The following SCUBE2 variants were observed in gnomAD, a reference collection of about 807,000 sequenced individuals.
SCUBE2 encodes the protein signal peptide, CUB and EGF-like domain-containing protein 2.
Under a neutral mutation model 125.9 loss-of-function variants are expected in SCUBE2, and 114 were observed. That is an observed-to-expected ratio of 0.91 (90% CI 0.78 to 1.06). The LOEUF (loss-of-function observed/expected upper bound fraction) is 1.06, where lower values mean the gene tolerates loss of function less well. Among genes scored for constraint, SCUBE2 ranks in the 50% least tolerant of loss-of-function variants. The pLI is 0.00. For synonymous variants in SCUBE2, 459 were observed against 492.9 expected, an observed-to-expected ratio of 0.93 and a Z score of 0.91; for missense variants, 1,255 against 1,301.8, an observed-to-expected ratio of 0.96 and a Z score of 0.55.
At chr11:9,046,539 G>T (rs1473420212) in intron 16 of SCUBE2, among the ~76,000 whole-genome samples, 3 of 152,154 alleles carry the variant, frequency 2.0e-5, no homozygotes, top group Non-Finnish European at 2.9e-5. Context: ...GCAGACGGGG[G>T]AGGGGTGCAG....
At chr11:9,053,883 C>A in intron 10 of SCUBE2, 124 bp from the exon 11 acceptor site, 1 of 1,215,038 alleles carries the variant, frequency 8.2e-7, no homozygotes, top group Non-Finnish European at 1.2e-6. Context: ...AAGGAAGACA[C>A]TGAATGCCTT....
At chr11:9,065,678 A>G (rs1860146291) in intron 7 of SCUBE2, among the ~76,000 whole-genome samples, 1 of 152,206 alleles carries the variant, frequency 6.6e-6, no homozygotes, top group Non-Finnish European at 1.5e-5. Flanking sequence ...TAACCTGATT[A>G]TTCTGATGGA....
intron 4 of SCUBE2, among the ~76,000 whole-genome samples, chr11:9,074,028 C>A (rs559709650): frequency 9.2e-5 from 14 of 152,266 alleles, no homozygotes; most frequent in African/African-American, 2.4e-4. Flanking sequence ...AGGGCCGGAT[C>A]TAGCTTGGGG....
In SCUBE2 at chr11:9,074,529, C is replaced by A. The variant is rs749338492; in HGVS notation, c.469G>T (p.Gly157Trp). 6.2e-7 allele frequency: 1 copy of A among 1,614,186 alleles called. No individual in the cohort carries two copies. The highest frequency in any genetic ancestry group is 8.5e-7 in the Non-Finnish European group (1 of 1,180,024). ...TGCTGATTGTCACTCAGGAAAAACC[C>A]CTCCTTGCAGCAGCACTCATAGCTC... ...MGSYECCCKE[G>W]FFLSDNQHTC... The change falls in exon 4 of 23, where the codon GGG becomes TGG. Residue 157 changes from glycine (G) to tryptophan (W), a missense_variant. By Grantham distance (184) the Gly-to-Trp change is radical. This residue lies in a region of SCUBE2 where 362 missense variants were observed against 323.0 expected (regional missense o/e 1.12). Transcript: ENST00000649792.
chr11:9,059,236 G>T (rs1282874666), intron 9 of SCUBE2, 67 bp downstream of exon 9: 3 of 1,560,308 alleles, frequency 1.9e-6, no homozygotes, highest in Non-Finnish European at 2.6e-6. Context: ...CTGCCAGGAG[G>T]GTGCTACGTT....
rs879176794 is a variant in SCUBE2 at position 9,069,586 on chromosome 11, G to T, written c.518-91C>A. The stretch of plus-strand genomic sequence containing the variant: ...GCAAAGGGCTAAGGGGTGGCCCACA[G>T]ATCTGTCTGCTTAGGTCTCCATCAG... On this transcript the variant is annotated intron_variant, in intron 4 of 22. Coordinates refer to ENST00000649792, the MANE Select transcript of SCUBE2 (RefSeq NM_001367977.2). The T allele has an allele frequency of 2.0e-5, 31 of 1,538,442 alleles. No homozygotes were observed. In the South Asian group the frequency reaches 2.9e-4, roughly 15 times the overall value.
rs191840703 is a variant in SCUBE2, at chr11:9,023,663, A to T, written c.2855-1708T>A. Among the ~76,000 whole-genome samples the T allele has an allele frequency of 2.7e-4, 41 of 152,364 alleles. No individual in the cohort carries two copies. The East Asian group carries it at 6.9e-3, about 26-fold the overall frequency. ...TTACAGGTAAGAATCCAGGCTCTGG[A>T]GTCCCACAGTCCTGGTTCAAACCTT... is the stretch of plus-strand genomic sequence containing the variant. On this transcript the variant is annotated intron_variant, in intron 21 of 22. Coordinates refer to ENST00000649792, the MANE Select transcript of SCUBE2 (RefSeq NM_001367977.2).
chr11:9,076,615 T>C (rs1861234252), intron 3 of SCUBE2, among the ~76,000 whole-genome samples: 1 of 151,572 alleles, frequency 6.6e-6, no homozygotes, highest in African/African-American at 2.4e-5. Flanking sequence ...AAGGCTGATA[T>C]AAAAAATCAA....
chr11:9,080,769 A>G (rs1171174677), intron 2 of SCUBE2, among the ~76,000 whole-genome samples: 3 of 152,192 alleles, frequency 2.0e-5, no homozygotes, highest in Non-Finnish European at 4.4e-5. Context: ...GGAGTTTATC[A>G]AAATTAAGAA....
At chr11:9,072,370 G>A (rs955208824) in intron 4 of SCUBE2, among the ~76,000 whole-genome samples, 2 of 152,086 alleles carry the variant, frequency 1.3e-5, no homozygotes, top group Non-Finnish European at 1.5e-5. Context: ...CACCACGCCC[G>A]GCTAATTTTT....
At chr11:9,053,007 C>A in intron 12 of SCUBE2, 92 bp downstream of exon 12, 1 of 1,195,264 alleles carries the variant, frequency 8.4e-7, no homozygotes, top group Non-Finnish European at 1.2e-6. Flanking sequence ...TGGCGGAGGA[C>A]CTGGAAGCCC....
intron 5 of SCUBE2, among the ~76,000 whole-genome samples, 157 bp from the exon 6 acceptor site, chr11:9,066,970 C>T (rs1860307575): frequency 6.6e-6 from 1 of 152,230 alleles, no homozygotes; most frequent in African/African-American, 2.4e-5. Context: ...AAGTCAGACC[C>T]TGTGGTGTCT....
intron 2 of SCUBE2, among the ~76,000 whole-genome samples, chr11:9,086,151 C>T (rs1019482400): frequency 7.9e-5 from 12 of 152,170 alleles, no homozygotes; most frequent in African/African-American, 2.4e-4. Flanking sequence ...GAAGTAAGAA[C>T]CATACAATAA....
intron 9 of SCUBE2, among the ~76,000 whole-genome samples, chr11:9,056,566 CT>C (rs1012895646): frequency 2.6e-5 from 4 of 152,166 alleles, no homozygotes; most frequent in African/African-American, 9.7e-5. Context: ...TGCTCCTCCC[CT>C]ATGTGCCAGT....
intron 15 of SCUBE2, 108 bp from the exon 16 acceptor site, chr11:9,047,670 G>T: frequency 8.6e-7 from 1 of 1,159,904 alleles, no homozygotes. Context: ...CCTGTGGACC[G>T]AATGGGGAGA....
At chr11:9,057,950 TA>T (rs1263240813) in intron 9 of SCUBE2, among the ~76,000 whole-genome samples, 3 of 152,186 alleles carry the variant, frequency 2.0e-5, no homozygotes, top group Non-Finnish European at 4.4e-5. Flanking sequence ...GGTGCTCATC[TA>T]AAAATAGAAA....
intron 2 of SCUBE2, among the ~76,000 whole-genome samples, chr11:9,083,349 A>G (rs988254000): frequency 7.9e-5 from 12 of 152,174 alleles, no homozygotes; most frequent in African/African-American, 2.7e-4. Context: ...AAGGCTAAAA[A>G]CAAAATAGCT....
chr11:9,047,468 A>G lies in SCUBE2; in HGVS notation c.1890T>C (p.Phe630=), dbSNP rs777432313. ...TLRKAVHREQ[F]HLQLSGMNLD... The stretch of plus-strand genomic sequence containing the variant: ...GGTTCATGCCTGAGAGCTGGAGGTG[A>G]AACTGCTCCCTGTGGACGGCCTTTC... Residue 630 remains phenylalanine (F), a synonymous_variant, in exon 16 of 23, where the codon TTT becomes TTC. Transcript: ENST00000649792. 6.2e-7 allele frequency: 1 copy of G among 1,613,958 alleles called. No homozygotes were observed. Among genetic ancestry groups the G allele is most frequent in the Non-Finnish European group, 8.5e-7 (1 of 1,180,024 alleles).
chr11:9,038,158 C>A (rs775736423), intron 16 of SCUBE2, among the ~76,000 whole-genome samples: 2 of 151,932 alleles, frequency 1.3e-5, no homozygotes, highest in Non-Finnish European at 2.9e-5. Flanking sequence ...GTTCTCAGGG[C>A]AGTAAATAAA....
Sources: allele counts gnomAD v4.1 joint callset (sites outside exome capture counted in the v4.1 genomes callset), GRCh38; gene constraint gnomAD v4.1.1; regional missense constraint gnomAD v4.1.1; transcripts MANE v1.5; gene names NCBI Gene and HGNC (gene_info 2026-07-23, HGNC 2026-07-21).